ANK3: variants seen among roughly 807,000 people sequenced by gnomAD.
The protein encoded by ANK3 is ankyrin-3.
In ANK3, 57 loss-of-function variants were observed where a neutral mutation model predicts 370.9. That is an observed-to-expected ratio of 0.15 (90% CI 0.12 to 0.19). The LOEUF is 0.19. Ranked by LOEUF, ANK3 falls within the 10% of genes least tolerant of loss-of-function variation. ANK3 has a pLI of 1.00. For missense variants in ANK3, 4,439 were observed against 5,302.1 expected, an observed-to-expected ratio of 0.84 and a Z score of 5.06; for synonymous variants, 1,929 against 1,946.3, an observed-to-expected ratio of 0.99 and a Z score of 0.23.
At chr10:60,490,743 C>T (rs79184068) in intron 2 of ANK3, among the ~76,000 whole-genome samples, 19,812 of 152,152 alleles carry the variant, frequency 0.13, 1,507 homozygotes, top group African/African-American at 0.21. Context: ...AATTCCTGGG[C>T]TCCCACTTCC....
chr10:60,469,282 T>TGTATATATATATATACCACTTTTA (rs1567067047), intron 2 of ANK3, among the ~76,000 whole-genome samples: 123 of 3,588 alleles, frequency 0.034, 25 homozygotes, highest in Non-Finnish European at 0.054. Context: ...CCATTTTTAG[T>TGTATATATATATATACCACTTTTA]GTGTGTATAT....
chr10:60,338,115 G>T (rs936432972), intron 1 of ANK3, among the ~76,000 whole-genome samples: 1 of 152,098 alleles, frequency 6.6e-6, no homozygotes, highest in East Asian at 1.9e-4. Context: ...ATTTCTTCCC[G>T]AGTCTTGGCT....
intron 2 of ANK3, among the ~76,000 whole-genome samples, chr10:60,590,974 T>C (rs1012793964): frequency 1.3e-5 from 2 of 152,172 alleles, no homozygotes; most frequent in Non-Finnish European, 2.9e-5. Flanking sequence ...GTTAATGACA[T>C]TGAAGACACC....
Position 60,075,279 on chromosome 10 carries a change from G to A in ANK3, c.5602C>T (p.His1868Tyr). 6.2e-7 allele frequency: 1 copy of A among 1,614,184 alleles called. No individual in the cohort carries two copies. ...TLTTETHPQPHFSRTSSPVKS... is the reference protein window; with the variant it reads ...TLTTETHPQPYFSRTSSPVKS... Reference sequence around the variant, plus strand: ...ACTGGAGATGAAGTTCGACTGAAGTGAGGCTGAGGATGTGTCTCCGTAGTC... The same window carrying A: ...ACTGGAGATGAAGTTCGACTGAAGTAAGGCTGAGGATGTGTCTCCGTAGTC... Residue 1868 changes from histidine to tyrosine, a missense_variant, in exon 37 of 44, where the codon CAC becomes TAC. By Grantham distance (83) the His-to-Tyr change is moderately conservative. This residue lies in a region of ANK3 where 679 missense variants were observed against 791.0 expected (regional missense o/e 0.86). Transcript: ENST00000280772.
intron 2 of ANK3, among the ~76,000 whole-genome samples, chr10:60,394,879 A>G (rs1218300198): frequency 6.6e-6 from 1 of 152,064 alleles, no homozygotes; most frequent in Non-Finnish European, 1.5e-5. Context: ...ATTTGATGTG[A>G]TAGGAGGGTT....
At position 60,585,126 on chromosome 10, in the gene ANK3, G is replaced by A. The variant is rs147780767; in HGVS notation, c.96+30060C>T. Among the ~76,000 whole-genome samples the A allele has an allele frequency of 1.3e-4, 20 of 152,252 alleles. No individual in the cohort carries two copies. The East Asian group carries it at 3.3e-3, about 25-fold the overall frequency. Reference sequence around the variant, plus strand: ...AATACTGAAATTAGTACCTTCAAGCGAGATCCTGCCTAACAAATATCTAAA... The same window carrying A: ...AATACTGAAATTAGTACCTTCAAGCAAGATCCTGCCTAACAAATATCTAAA... On this transcript the variant is annotated intron_variant, in intron 2 of 43. Transcript: ENST00000373827.
chr10:60,700,412 T>A (rs764672952), intron 1 of ANK3, among the ~76,000 whole-genome samples: 11 of 152,166 alleles, frequency 7.2e-5, no homozygotes, highest in Non-Finnish European at 1.2e-4. Flanking sequence ...GAAATTTTTT[T>A]AAGTTTTTAT....
At chr10:60,146,009 G>T (rs2094804578) in intron 23 of ANK3, 1 of 1,225,612 alleles carries the variant, frequency 8.2e-7, no homozygotes, top group African/African-American at 1.5e-5. Flanking sequence ...TTTGTACCAT[G>T]TGCATCTATT....
At chr10:60,116,569 C>A (rs2093101734) in intron 25 of ANK3, among the ~76,000 whole-genome samples, 1 of 148,006 alleles carries the variant, frequency 6.8e-6, no homozygotes. Context: ...TATTTTTACA[C>A]CTATGAAACA....
chr10:60,561,739 G>C (rs1047703511), intron 2 of ANK3, among the ~76,000 whole-genome samples: 3 of 152,160 alleles, frequency 2.0e-5, no homozygotes, highest in Admixed American at 6.5e-5. Flanking sequence ...GCACCACAAG[G>C]CCTTTCCCAA....
At chr10:60,517,969 C>T (rs1387889252) in intron 2 of ANK3, among the ~76,000 whole-genome samples, 1 of 152,092 alleles carries the variant, frequency 6.6e-6, no homozygotes, top group Non-Finnish European at 1.5e-5. Flanking sequence ...TTATGCATCT[C>T]ATCATAAACA....
intron 1 of ANK3, among the ~76,000 whole-genome samples, chr10:60,295,552 C>T (rs1220994933): frequency 6.6e-6 from 1 of 152,112 alleles, no homozygotes; most frequent in Non-Finnish European, 1.5e-5. Flanking sequence ...CGAACTTGAC[C>T]TCATTTGCCC....
At chr10:60,140,826 C>T (rs1239818045) in intron 23 of ANK3, 1 of 994,262 alleles carries the variant, frequency 1.0e-6, no homozygotes, top group Admixed American at 6.0e-5. Context: ...GTTGCCTAGT[C>T]GGGTAACCAA....
intron 1 of ANK3, among the ~76,000 whole-genome samples, chr10:60,708,835 A>C (rs2079657298): frequency 6.6e-6 from 1 of 152,192 alleles, no homozygotes; most frequent in Admixed American, 6.5e-5. Flanking sequence ...ATAACAGGAA[A>C]TTACACCTGA....
chr10:60,476,457 A>G (rs569809929), intron 2 of ANK3, among the ~76,000 whole-genome samples: 12 of 152,330 alleles, frequency 7.9e-5, no homozygotes, highest in African/African-American at 2.2e-4. Flanking sequence ...ATCAGGAAAT[A>G]ACGAAAAGTA....
chr10:60,266,222 A>G (rs1009094598), intron 5 of ANK3, among the ~76,000 whole-genome samples: 3 of 152,216 alleles, frequency 2.0e-5, no homozygotes, highest in African/African-American at 7.2e-5. Flanking sequence ...AGGATATAAC[A>G]AGAAAAGTAG....
chr10:60,599,352 T>C (rs973898764), intron 2 of ANK3, among the ~76,000 whole-genome samples: 3 of 152,190 alleles, frequency 2.0e-5, no homozygotes, highest in Admixed American at 2.0e-4. Context: ...CACGACTCCC[T>C]AACTTATTCC....
intron 2 of ANK3, among the ~76,000 whole-genome samples, chr10:60,418,932 T>A (rs1169409672): frequency 6.6e-6 from 1 of 152,176 alleles, no homozygotes; most frequent in Non-Finnish European, 1.5e-5. Context: ...CTATATTCTT[T>A]TGAAGGCATA....
chr10:60,045,776 T>C (rs191451154), intron 42 of ANK3, among the ~76,000 whole-genome samples: 110 of 152,364 alleles, frequency 7.2e-4, no homozygotes, highest in Non-Finnish European at 2.5e-4. Flanking sequence ...ATTTGGTCAG[T>C]GCCAGCCAAT....
Sources: gnomAD v4.1 joint callset for allele counts (sites outside exome capture counted in the v4.1 genomes callset) on GRCh38, gnomAD v4.1.1 for gene constraint, gnomAD v4.1.1 regional missense constraint, MANE v1.5 for transcripts, NCBI Gene and HGNC (gene_info 2026-07-23, HGNC 2026-07-21) for gene names.